The following FHIT variants were observed in gnomAD, a reference collection of about 807,000 sequenced individuals.
FHIT encodes the protein bis(5'-adenosyl)-triphosphatase.
Under a neutral mutation model 17.9 loss-of-function variants are expected in FHIT, and 19 were observed. The observed-to-expected ratio is 1.06, with a 90% CI of 0.74 to 1.56. FHIT has a LOEUF of 1.56. Among genes scored for constraint, FHIT ranks in the 40% most tolerant of loss-of-function variants. FHIT has a pLI of 0.00. For missense variants in FHIT, 248 were observed against 189.2 expected (o/e 1.31, Z -1.82); for synonymous variants, 81 against 69.7 (o/e 1.16, Z -0.81).
chr3:60,263,381 T>C (rs1247711301), intron 5 of FHIT, among the ~76,000 whole-genome samples: 5 of 152,094 alleles, frequency 3.3e-5, no homozygotes, highest in Admixed American at 1.3e-4. Context: ...TATTCTCCAA[T>C]AGACTCATCT....
At chr3:60,396,862 G>C (rs562875266) in intron 5 of FHIT, among the ~76,000 whole-genome samples, 1 of 151,970 alleles carries the variant, frequency 6.6e-6, no homozygotes, top group Non-Finnish European at 1.5e-5. Context: ...TACATATAAA[G>C]AATTTTTTTT....
At chr3:60,134,271 T>C (rs9820356) in intron 5 of FHIT, among the ~76,000 whole-genome samples, 8,373 of 152,198 alleles carry the variant, frequency 0.055, 306 homozygotes, top group Non-Finnish European at 0.079. Flanking sequence ...AAAAATAAAA[T>C]TGCAACATTT....
At chr3:61,206,662 T>G (rs896457689) in intron 1 of FHIT, among the ~76,000 whole-genome samples, 5 of 152,090 alleles carry the variant, frequency 3.3e-5, no homozygotes, top group African/African-American at 9.7e-5. Flanking sequence ...TTTTGCACAT[T>G]GATTTTGTAT....
At chr3:60,162,973 G>A (rs1361323601) in intron 5 of FHIT, among the ~76,000 whole-genome samples, 1 of 152,160 alleles carries the variant, frequency 6.6e-6, no homozygotes, top group Non-Finnish European at 1.5e-5. Context: ...GAGCACCCCT[G>A]TTTGAGGCAA....
chr3:60,706,818 A>G (rs1294878354), intron 4 of FHIT, among the ~76,000 whole-genome samples: 3 of 152,242 alleles, frequency 2.0e-5, no homozygotes, highest in African/African-American at 7.2e-5. Flanking sequence ...TCAAAAAGCC[A>G]TCAAAAGATG....
At chr3:59,826,092 C>T (rs763378876) in intron 8 of FHIT, among the ~76,000 whole-genome samples, 1 of 152,138 alleles carries the variant, frequency 6.6e-6, no homozygotes, top group Non-Finnish European at 1.5e-5. Context: ...GGTTCCCTAT[C>T]TGCATTATTC....
At chr3:60,583,289 C>A (rs2037806224) in intron 4 of FHIT, among the ~76,000 whole-genome samples, 1 of 151,978 alleles carries the variant, frequency 6.6e-6, no homozygotes, top group Non-Finnish European at 1.5e-5. Flanking sequence ...ATTGCTATGT[C>A]TTCAGCCGCT....
At chr3:59,750,363 G>A in intron 9 of FHIT, 1 of 225,004 alleles carries the variant, frequency 4.4e-6, no homozygotes, top group Non-Finnish European at 8.9e-6. Context: ...AGGCAGTCAA[G>A]TCTGAGGTAT....
Position 60,006,128 on chromosome 3 carries a change from G to A in FHIT, c.279+5243C>T, listed in dbSNP as rs1232512079. 3.9e-5 allele frequency among the ~76,000 whole-genome samples: 6 copies of A among 152,098 alleles called. No homozygotes were observed. In the South Asian group the frequency reaches 8.3e-4, roughly 21 times the overall value. ...AAGTACTCTATCGATTTGTAACCGC[G>A]ACTTACTCGTGATCATCTGTGCATA... On this transcript the variant is annotated intron_variant, in intron 7 of 9. Coordinates refer to ENST00000492590, the MANE Select transcript of FHIT (RefSeq NM_002012.4).
At chr3:59,844,294 G>C (rs1701636757) in intron 8 of FHIT, among the ~76,000 whole-genome samples, 1 of 152,030 alleles carries the variant, frequency 6.6e-6, no homozygotes, top group Non-Finnish European at 1.5e-5. Context: ...TTATTTTTCT[G>C]GTTGAATTTT....
chr3:60,831,711 G>A (rs1181289701), intron 3 of FHIT, among the ~76,000 whole-genome samples: 3 of 151,956 alleles, frequency 2.0e-5, no homozygotes, highest in Non-Finnish European at 4.4e-5. Context: ...CTATGAGGGA[G>A]ACACCACATA....
Position 61,147,670 on chromosome 3 carries a change from AT to A in FHIT, c.-164+52946del, listed in dbSNP as rs1440221537. On this transcript the variant is annotated intron_variant, in intron 2 of 9. Coordinates refer to ENST00000492590, the MANE Select transcript of FHIT (RefSeq NM_002012.4). ...TATAAATGTATGAAAATATAAAAAA[AT>A]AATAGTTACATCCATGGGTTTAAAA... Among the ~76,000 whole-genome samples the A allele has an allele frequency of 5.4e-5, 8 of 149,368 alleles. 1 individual carries two copies. Among genetic ancestry groups the A allele is most frequent in the Admixed American group, 1.3e-4 (2 of 14,884 alleles).
At chr3:59,815,485 G>A (rs907953127) in intron 8 of FHIT, among the ~76,000 whole-genome samples, 3 of 152,114 alleles carry the variant, frequency 2.0e-5, no homozygotes, top group Non-Finnish European at 4.4e-5. Context: ...CAACCCAAAT[G>A]TCTATCAGTC....
intron 5 of FHIT, among the ~76,000 whole-genome samples, chr3:60,368,946 G>C (rs995689919): frequency 2.0e-5 from 3 of 151,544 alleles, no homozygotes; most frequent in African/African-American, 7.3e-5. Flanking sequence ...ACTCCATTCA[G>C]TATATTTCAA....
At chr3:60,888,257 T>G (rs1326002980) in intron 3 of FHIT, among the ~76,000 whole-genome samples, 1 of 152,236 alleles carries the variant, frequency 6.6e-6, no homozygotes, top group Non-Finnish European at 1.5e-5. Flanking sequence ...TCCAACTCCA[T>G]TCAATGCCTA....
At chr3:60,878,849 A>C (rs1346431666) in intron 3 of FHIT, among the ~76,000 whole-genome samples, 5 of 152,156 alleles carry the variant, frequency 3.3e-5, no homozygotes, top group Non-Finnish European at 5.9e-5. Flanking sequence ...ATAGTATTCC[A>C]TGGTGTATAT....
chr3:59,950,487 A>G (rs1208823274), intron 7 of FHIT, among the ~76,000 whole-genome samples: 1 of 150,580 alleles, frequency 6.6e-6, no homozygotes, highest in Non-Finnish European at 1.5e-5. Flanking sequence ...ACTATCACTC[A>G]CTCCCCTCTT....
chr3:59,886,006 G>C (rs924884948), intron 8 of FHIT, among the ~76,000 whole-genome samples: 2 of 152,198 alleles, frequency 1.3e-5, no homozygotes, highest in African/African-American at 4.8e-5. Flanking sequence ...CAAGGCAAAA[G>C]ACACATTTGG....
chr3:60,576,685 C>A, intron 4 of FHIT, among the ~76,000 whole-genome samples: 1 of 151,932 alleles, frequency 6.6e-6, no homozygotes, highest in African/African-American at 2.4e-5. Flanking sequence ...TTATTATTTC[C>A]AAGCTAAAAG....
Sources: gnomAD v4.1 joint callset for allele counts (sites outside exome capture counted in the v4.1 genomes callset) on GRCh38, gnomAD v4.1.1 for gene constraint, MANE v1.5 for transcripts, NCBI Gene and HGNC (gene_info 2026-07-23, HGNC 2026-07-21) for gene names.